The following DNAJB14 variants were observed in gnomAD, a reference collection of about 807,000 sequenced individuals.
DNAJB14 encodes dnaJ homolog subfamily B member 14.
Under a neutral mutation model 48.4 loss-of-function variants are expected in DNAJB14, and 22 were observed. The observed-to-expected ratio is 0.45, with a 90% CI of 0.32 to 0.65. The LOEUF (loss-of-function observed/expected upper bound fraction) is 0.65. Ranked by LOEUF, DNAJB14 falls within the 30% of genes least tolerant of loss-of-function variation. DNAJB14 has a pLI of 0.03. For synonymous variants in DNAJB14, 142 were observed against 158.7 expected (o/e 0.89, Z 0.79); for missense variants, 319 against 458.8 (o/e 0.70, Z 2.78).
chr4:99,906,054 G>C, intron 5 of DNAJB14: 1 of 1,313,742 alleles, frequency 7.6e-7, no homozygotes. Context: ...TTTGAGGGTA[G>C]AAGATGGGAG....
At position 99,906,009 on chromosome 4, in the gene DNAJB14, A is replaced by G. The variant is rs1725453794; in HGVS notation, c.733-303T>C. ...CCCCACACACAGAGACGCTATCAAT[A>G]TGCTGCAGGCTGTAAAACCATTTTT... On this transcript the variant is annotated intron_variant, in intron 5 of 7. Coordinates refer to ENST00000442697, the MANE Select transcript of DNAJB14 (RefSeq NM_001031723.4). 6.1e-6 allele frequency: 8 copies of G among 1,303,556 alleles called. No individual in the cohort carries two copies. The Admixed American group carries it at 2.2e-4, about 36-fold the overall frequency. 80.7% of individuals were successfully genotyped at this position (1,303,556 alleles called of 1,614,324 possible). A position where few individuals can be genotyped will look rare whatever the true frequency, so the allele number is the denominator to read the frequency against.
At chr4:99,919,457 C>T (rs1242045052) in intron 3 of DNAJB14, among the ~76,000 whole-genome samples, 6 of 151,964 alleles carry the variant, frequency 3.9e-5, no homozygotes, top group African/African-American at 1.2e-4. Flanking sequence ...TGGTGGCAGG[C>T]GCCTGTAATC....
At chr4:99,929,783 T>C (rs1726393887) in intron 2 of DNAJB14, 1 of 152,240 alleles carries the variant, frequency 6.6e-6, no homozygotes, top group African/African-American at 2.4e-5. Flanking sequence ...CCTTAATCTT[T>C]AGTTTCCCTA....
intron 2 of DNAJB14, chr4:99,928,654 A>G (rs1248905279): frequency 4.7e-6 from 2 of 422,796 alleles, no homozygotes. Flanking sequence ...ACTTTTTAAA[A>G]TAACACCAGA....
rs1012482636 is a variant in DNAJB14, at chr4:99,946,339, G to C, written c.133+100C>G. 197 of 1,517,502 alleles carry C rather than the reference G, an allele frequency of 1.3e-4. No individual in the cohort carries two copies. In the Admixed American group the frequency reaches 3.9e-3, roughly 30 times the overall value. 94.0% of individuals were successfully genotyped at this position (1,517,502 alleles called of 1,614,324 possible). On this transcript the variant is annotated intron_variant, in intron 1 of 7. Coordinates refer to ENST00000442697, the MANE Select transcript of DNAJB14 (RefSeq NM_001031723.4). The stretch of plus-strand genomic sequence containing the variant: ...GCTGGGGCTGGCTCAGACAGGCCGG[G>C]GGCCCCGCAGGCCTCCAGGAGGGGC...
At chr4:99,924,852 G>A (rs555312097) in intron 2 of DNAJB14, 3 of 1,467,080 alleles carry the variant, frequency 2.0e-6, no homozygotes, top group South Asian at 2.3e-5. Context: ...TAATTTGACT[G>A]CATAAAAAAC....
intron 7 of DNAJB14, among the ~76,000 whole-genome samples, chr4:99,902,131 C>A (rs765198390): frequency 6.6e-6 from 1 of 152,012 alleles, no homozygotes; most frequent in Non-Finnish European, 1.5e-5. Context: ...TTAGATAAAC[C>A]GAAGTTCACA....
rs1187316666 is a variant in DNAJB14, at chr4:99,896,267, CT to C, written c.*4760del. 1 of 151,982 alleles carries C rather than the reference CT, an allele frequency of 6.6e-6. No homozygotes were observed. Among genetic ancestry groups the C allele is most frequent in the Non-Finnish European group, 1.5e-5 (1 of 67,982 alleles). The allele number at this position is 151,982 out of a possible 1,614,324, so 9.4% of individuals were successfully genotyped here. A position where few individuals can be genotyped will look rare whatever the true frequency, so the allele number is the denominator to read the frequency against. ...CAAACATTTTACAGTGAGAACAGAC[CT>C]TTTTATTAATATATTGAGATAAACT... is the stretch of plus-strand genomic sequence containing the variant. On this transcript the variant is annotated 3_prime_UTR_variant, in exon 8 of 8. Transcript: ENST00000442697.
intron 1 of DNAJB14, among the ~76,000 whole-genome samples, chr4:99,934,683 C>T (rs1726601742): frequency 6.7e-6 from 1 of 148,800 alleles, no homozygotes; most frequent in Non-Finnish European, 1.5e-5. Context: ...ATCCCAGCTA[C>T]CCGGGAGGCT....
rs1725471822 is a variant in DNAJB14, at chr4:99,906,490, T to C, written c.732+27A>G. 3 of 1,602,362 alleles carry C rather than the reference T, an allele frequency of 1.9e-6. No homozygotes were observed. The Admixed American group carries it at 5.1e-5, about 27-fold the overall frequency. On this transcript the variant is annotated intron_variant, in intron 5 of 7. Coordinates refer to ENST00000442697, the MANE Select transcript of DNAJB14 (RefSeq NM_001031723.4). The stretch of plus-strand genomic sequence containing the variant: ...ACTTTTCCTGAGCTGAAATTTGCCA[T>C]TTTGTGATTTCTAGTCATAAACGTA...
chr4:99,927,680 C>T (rs1329952647), intron 2 of DNAJB14: 1 of 152,212 alleles, frequency 6.6e-6, no homozygotes, highest in Non-Finnish European at 1.5e-5. Context: ...CAAAGTTACA[C>T]ACTTTCTCTT....
At chr4:99,920,475 G>A (rs979294445) in intron 3 of DNAJB14, among the ~76,000 whole-genome samples, 1 of 152,150 alleles carries the variant, frequency 6.6e-6, no homozygotes, top group Non-Finnish European at 1.5e-5. Context: ...ACAGACACAG[G>A]TATTATTCAA....
At chr4:99,917,159 G>A (rs1195451180) in intron 3 of DNAJB14, among the ~76,000 whole-genome samples, 1 of 151,980 alleles carries the variant, frequency 6.6e-6, no homozygotes, top group Non-Finnish European at 1.5e-5. Context: ...ACAAAAAATT[G>A]CCTTATATAT....
At chr4:99,939,929 A>G (rs934557697) in intron 1 of DNAJB14, among the ~76,000 whole-genome samples, 2 of 152,250 alleles carry the variant, frequency 1.3e-5, no homozygotes, top group African/African-American at 2.4e-5. Flanking sequence ...TTGGGATAGT[A>G]CTTATAAACC....
At chr4:99,939,792 C>A (rs1279455608) in intron 1 of DNAJB14, among the ~76,000 whole-genome samples, 2 of 152,170 alleles carry the variant, frequency 1.3e-5, no homozygotes, top group Non-Finnish European at 2.9e-5. Context: ...GGAACTGATG[C>A]CTAAGAAGAT....
intron 3 of DNAJB14, among the ~76,000 whole-genome samples, chr4:99,918,056 T>C (rs1725920023): frequency 6.6e-6 from 1 of 152,204 alleles, no homozygotes; most frequent in Admixed American, 6.5e-5. Context: ...TCTGAGTACC[T>C]TTTCAGCTCT....
chr4:99,902,937 A>C (rs1409856287), intron 7 of DNAJB14, among the ~76,000 whole-genome samples: 1 of 152,126 alleles, frequency 6.6e-6, no homozygotes, highest in African/African-American at 2.4e-5. Context: ...CATTATATAA[A>C]TGATAGCTAT....
Position 99,906,722 on chromosome 4 carries a change from G to C in DNAJB14, c.638-111C>G, listed in dbSNP as rs1000865519. On this transcript the variant is annotated intron_variant, in intron 4 of 7. Coordinates refer to ENST00000442697, the MANE Select transcript of DNAJB14 (RefSeq NM_001031723.4). ...AAAAAATTACTAAAATAATGCATGTGTATTTTCAGTAGTAAATACTTATTG... is the reference window on the plus strand; with the variant it reads ...AAAAAATTACTAAAATAATGCATGTCTATTTTCAGTAGTAAATACTTATTG... 36 of 805,620 alleles carry C rather than the reference G, an allele frequency of 4.5e-5. No homozygotes were observed. In the African/African-American group the frequency reaches 5.4e-4, roughly 12 times the overall value. 49.9% of individuals were successfully genotyped at this position (805,620 alleles called of 1,614,324 possible).
intron 7 of DNAJB14, among the ~76,000 whole-genome samples, chr4:99,901,482 T>C (rs1244645697): frequency 1.3e-5 from 2 of 152,128 alleles, no homozygotes; most frequent in African/African-American, 4.8e-5. Context: ...CCTAAAAATA[T>C]TATATGCTTT....
Sources: allele counts gnomAD v4.1 joint callset (sites outside exome capture counted in the v4.1 genomes callset), GRCh38; gene constraint gnomAD v4.1.1; transcripts MANE v1.5; gene names NCBI Gene and HGNC (gene_info 2026-07-23, HGNC 2026-07-21).